UST: variants seen among roughly 807,000 people sequenced by gnomAD.
UST encodes uronyl 2-sulfotransferase, also known as chondroitin sulfate 2-O-sulfotransferase.
A neutral mutation model predicts 45.6 loss-of-function variants in UST; 21 were observed. The observed-to-expected ratio is 0.46, with a 90% CI of 0.33 to 0.66. The LOEUF is 0.66. Among genes scored for constraint, UST ranks in the 30% least tolerant of loss-of-function variants. The pLI is 0.02. For synonymous variants in UST, 215 were observed against 200.6 expected (o/e 1.07, Z -0.61); for missense variants, 463 against 512.4 (o/e 0.90, Z 0.93).
intron 2 of UST, among the ~76,000 whole-genome samples, chr6:148,935,425 T>A (rs1780000688): frequency 2.0e-5 from 3 of 151,882 alleles, no homozygotes; most frequent in Non-Finnish European, 4.4e-5. Flanking sequence ...AAAGAAAGAG[T>A]GAGCATTCAA....
chr6:148,879,111 G>C (rs765606775), intron 1 of UST, among the ~76,000 whole-genome samples: 12 of 152,086 alleles, frequency 7.9e-5, no homozygotes, highest in Non-Finnish European at 1.5e-4. Flanking sequence ...TGGTTTAGGG[G>C]ATAAGCTCTA....
intron 7 of UST, among the ~76,000 whole-genome samples, chr6:149,025,205 A>G (rs186709852): frequency 2.7e-4 from 41 of 152,370 alleles, no homozygotes; most frequent in Non-Finnish European, 1.9e-4. Context: ...AACCTTTCTC[A>G]ATAACAGCGT....
At chr6:149,062,822 AAATGG>A in intron 7 of UST, among the ~76,000 whole-genome samples, 1 of 152,352 alleles carries the variant, frequency 6.6e-6, no homozygotes, top group East Asian at 1.9e-4. Context: ...TCTGTAAGTA[AAATGG>A]GTACTGGGAA....
intron 1 of UST, among the ~76,000 whole-genome samples, chr6:148,821,674 A>G (rs1392797949): frequency 2.0e-5 from 3 of 152,224 alleles, no homozygotes; most frequent in Non-Finnish European, 2.9e-5. Context: ...GTCAGAATCA[A>G]TTATTACCAA....
intron 1 of UST, among the ~76,000 whole-genome samples, chr6:148,799,264 G>A (rs772105143): frequency 6.6e-6 from 1 of 152,328 alleles, no homozygotes; most frequent in Non-Finnish European, 1.5e-5. Context: ...TAGTAATTTA[G>A]CGTGGTCGCA....
intron 5 of UST, among the ~76,000 whole-genome samples, chr6:149,015,848 G>A (rs1472961588): frequency 1.3e-5 from 2 of 152,208 alleles, no homozygotes; most frequent in African/African-American, 2.4e-5. Context: ...ACAGGCCACT[G>A]TAAGTGCAGC....
chr6:148,784,085 C>A (rs1776693543), intron 1 of UST, among the ~76,000 whole-genome samples: 2 of 152,192 alleles, frequency 1.3e-5, no homozygotes, highest in South Asian at 4.1e-4. Context: ...TACGCTTCAT[C>A]ATTTTAAATA....
At chr6:148,990,414 G>C (rs1781326008) in intron 5 of UST, 1 of 985,244 alleles carries the variant, frequency 1.0e-6, no homozygotes, top group African/African-American at 1.7e-5. Flanking sequence ...AGCCAAAGGA[G>C]ATGTTTCATG....
At position 149,019,254 on chromosome 6, in the gene UST, G is replaced by C. The variant is rs2275423; in HGVS notation, c.779+18G>C. 1,063,358 of 1,600,588 alleles carry C rather than the reference G, an allele frequency of 0.66. 356,345 individuals carry two copies. Among genetic ancestry groups the C allele is most frequent in the African/African-American group, 0.78 (58,434 of 74,624 alleles). ...AGATGCAGGTAAGGGCTAAAGCAGG[G>C]TCATGGCATGCACGTACGCACAACA... On this transcript the variant is annotated intron_variant, in intron 6 of 7. Transcript: ENST00000367463.
chr6:148,789,989 C>CTTTTTT (rs56987468), intron 1 of UST, among the ~76,000 whole-genome samples: 1 of 127,048 alleles, frequency 7.9e-6, no homozygotes, highest in African/African-American at 2.9e-5. Flanking sequence ...TTTCAGGATT[C>CTTTTTT]TTTTTTTTTT....
At chr6:148,761,517 A>G (rs1479582831) in intron 1 of UST, among the ~76,000 whole-genome samples, 1 of 123,090 alleles carries the variant, frequency 8.1e-6, no homozygotes, top group African/African-American at 3.4e-5. Flanking sequence ...TCATCCGACA[A>G]CGTGCCAAAA....
intron 2 of UST, among the ~76,000 whole-genome samples, chr6:148,906,079 T>G (rs1334389655): frequency 6.7e-6 from 1 of 148,636 alleles, no homozygotes; most frequent in African/African-American, 2.6e-5. Context: ...AATGAACTTG[T>G]CAGTTACGTA....
intron 1 of UST, among the ~76,000 whole-genome samples, chr6:148,755,933 T>G (rs1418038368): frequency 2.0e-5 from 3 of 152,048 alleles, no homozygotes; most frequent in African/African-American, 7.2e-5. Flanking sequence ...CGTATACATG[T>G]GCCATCTTGG....
At chr6:149,034,844 CT>C (rs1177001323) in intron 7 of UST, among the ~76,000 whole-genome samples, 3 of 20,094 alleles carry the variant, frequency 1.5e-4, no homozygotes, top group East Asian at 1.1e-3. Context: ...TTCTCTCTCT[CT>C]CTCTCTCTCT....
At chr6:148,843,362 A>G (rs1270418876) in intron 1 of UST, among the ~76,000 whole-genome samples, 1 of 152,250 alleles carries the variant, frequency 6.6e-6, no homozygotes, top group Non-Finnish European at 1.5e-5. Flanking sequence ...CTGAAAAAAT[A>G]TATTTTTAAA....
At chr6:148,837,181 G>T (rs780319300) in intron 1 of UST, among the ~76,000 whole-genome samples, 27 of 152,126 alleles carry the variant, frequency 1.8e-4, no homozygotes, top group Admixed American at 3.9e-4. Context: ...CCTGAATTTT[G>T]GAGCAATTTT....
At chr6:148,778,870 A>AC (rs1171781203) in intron 1 of UST, among the ~76,000 whole-genome samples, 2 of 151,808 alleles carry the variant, frequency 1.3e-5, no homozygotes, top group Non-Finnish European at 1.5e-5. Context: ...ACCAAGGCCC[A>AC]CCCCCCTCCA....
intron 5 of UST, among the ~76,000 whole-genome samples, chr6:148,975,259 T>C (rs1442460679): frequency 6.6e-6 from 1 of 152,214 alleles, no homozygotes; most frequent in Admixed American, 6.5e-5. Flanking sequence ...AATTATTTCA[T>C]GTCTGTAAGT....
At chr6:149,008,611 T>C (rs1229747276) in intron 5 of UST, among the ~76,000 whole-genome samples, 2 of 152,074 alleles carry the variant, frequency 1.3e-5, no homozygotes, top group Non-Finnish European at 2.9e-5. Context: ...CAGTCTAGAG[T>C]GCATTTGGAG....
Sources: allele counts gnomAD v4.1 joint callset (sites outside exome capture counted in the v4.1 genomes callset), GRCh38; gene constraint gnomAD v4.1.1; transcripts MANE v1.5; gene names NCBI Gene and HGNC (gene_info 2026-07-23, HGNC 2026-07-21).